Variants in RERE observed in about 807,000 individuals in gnomAD.
RERE encodes arginine-glutamic acid dipeptide repeats protein.
In RERE, 40 loss-of-function variants were observed where a neutral mutation model predicts 146.1. That is an observed-to-expected ratio of 0.27 (90% CI 0.21 to 0.36). RERE has a LOEUF of 0.36. Ranked by LOEUF, RERE falls within the 10% of genes least tolerant of loss-of-function variation. The pLI is 1.00. For missense variants in RERE, 1,933 were observed against 2,138.7 expected (o/e 0.90, Z 1.90); for synonymous variants, 1,003 against 866.0 (o/e 1.16, Z -2.78).
At chr1:8,422,095 T>A (rs1643918219) in intron 12 of RERE, among the ~76,000 whole-genome samples, 1 of 152,254 alleles carries the variant, frequency 6.6e-6, no homozygotes, top group Non-Finnish European at 1.5e-5. Flanking sequence ...CAAATCCTTC[T>A]ACCTCACGTT....
rs187291187 is a variant in RERE at position 8,554,303 on chromosome 1, G to A, written c.725+2172C>T. Among the ~76,000 whole-genome samples the A allele has an allele frequency of 3.3e-3, 498 of 152,276 alleles. 1 individual carries two copies. The highest frequency in any genetic ancestry group is 0.011 in the African/African-American group (471 of 41,560). ...ACATATCTCACATATTTGTTCAACT[G>A]AAACTCTAAATCGATTAAAATCTTT... On this transcript the variant is annotated intron_variant, in intron 6 of 22. Transcript: ENST00000400908.
At chr1:8,363,975 TC>T (rs1557589774) in intron 15 of RERE, 80 bp downstream of exon 15, 2 of 1,316,560 alleles carry the variant, frequency 1.5e-6, no homozygotes, top group Admixed American at 1.8e-5. Context: ...TTTCGCTTCC[TC>T]CCCCTGGGAG....
intron 1 of RERE, among the ~76,000 whole-genome samples, chr1:8,767,980 TAATAA>T (rs1406515145): frequency 4.0e-5 from 6 of 151,396 alleles, no homozygotes; most frequent in African/African-American, 7.3e-5. Context: ...TATAATATAA[TAATAA>T]AATAAAATAA....
At chr1:8,460,817 T>TAGGAAGCAA (rs1644517292) in intron 11 of RERE, among the ~76,000 whole-genome samples, 1 of 152,144 alleles carries the variant, frequency 6.6e-6, no homozygotes, top group East Asian at 1.9e-4. Flanking sequence ...GCTAAGTGGA[T>TAGGAAGCAA]AGGAAGCAAA....
At chr1:8,486,855 T>C (rs951298757) in intron 10 of RERE, among the ~76,000 whole-genome samples, 1 of 151,714 alleles carries the variant, frequency 6.6e-6, no homozygotes, top group African/African-American at 2.4e-5. Context: ...ACATTTGATG[T>C]AGAAAGTAAT....
At chr1:8,787,441 T>C (rs930885063) in intron 1 of RERE, among the ~76,000 whole-genome samples, 1 of 152,184 alleles carries the variant, frequency 6.6e-6, no homozygotes, top group Admixed American at 6.5e-5. Flanking sequence ...TATTTCCCTA[T>C]AAAATGAAAT....
At chr1:8,815,747 TTGTC>T (rs2124612790) in intron 1 of RERE, among the ~76,000 whole-genome samples, 1 of 152,166 alleles carries the variant, frequency 6.6e-6, no homozygotes, top group Non-Finnish European at 1.5e-5. Context: ...AGAGCTGTGT[TTGTC>T]TGTGCAAACC....
At chr1:8,381,087 C>T (rs1325736749) in intron 12 of RERE, 2 of 450,412 alleles carry the variant, frequency 4.4e-6, no homozygotes, top group East Asian at 7.0e-5. Flanking sequence ...TGCTGTCATC[C>T]ACACCACCTC....
At chr1:8,365,218 A>T (rs1641756377) in intron 13 of RERE, among the ~76,000 whole-genome samples, 1 of 152,158 alleles carries the variant, frequency 6.6e-6, no homozygotes, top group South Asian at 2.1e-4. Flanking sequence ...CCGTCCTGCT[A>T]GGTGATTTCT....
At chr1:8,753,521 G>A (rs1640579921) in intron 1 of RERE, 1 of 152,082 alleles carries the variant, frequency 6.6e-6, no homozygotes, top group African/African-American at 2.4e-5. Context: ...ATTTTAAAAT[G>A]TCAACTCATC....
chr1:8,810,154 G>A (rs990400335), intron 1 of RERE, among the ~76,000 whole-genome samples: 2 of 152,028 alleles, frequency 1.3e-5, no homozygotes, highest in Non-Finnish European at 2.9e-5. Flanking sequence ...ACAGGTACCC[G>A]CCATCGTGCC....
At chr1:8,355,257 C>A in intron 22 of RERE, 137 bp from the exon 23 acceptor site, 1 of 1,126,490 alleles carries the variant, frequency 8.9e-7, no homozygotes, top group Non-Finnish European at 1.3e-6. Context: ...GACCTACCCT[C>A]CCAACACCTC....
chr1:8,382,044 A>C (rs1642478563), intron 12 of RERE, among the ~76,000 whole-genome samples: 1 of 152,256 alleles, frequency 6.6e-6, no homozygotes, highest in Non-Finnish European at 1.5e-5. Context: ...GTTACAGTCA[A>C]AATCTTCCTC....
intron 2 of RERE, among the ~76,000 whole-genome samples, chr1:8,653,899 C>T (rs1647775345): frequency 6.6e-6 from 1 of 151,602 alleles, no homozygotes; most frequent in Admixed American, 6.6e-5. Flanking sequence ...ATCGTTACAG[C>T]AGATTTCTAA....
At chr1:8,560,914 A>G (rs926761258) in intron 4 of RERE, among the ~76,000 whole-genome samples, 2 of 152,188 alleles carry the variant, frequency 1.3e-5, no homozygotes. Context: ...TCCTAACAAC[A>G]ATCTTTTAAA....
At chr1:8,474,600 A>C (rs1286183227) in intron 10 of RERE, among the ~76,000 whole-genome samples, 2 of 152,158 alleles carry the variant, frequency 1.3e-5, no homozygotes, top group East Asian at 3.8e-4. Flanking sequence ...TCCTTTTGGC[A>C]TGGCTCAGCT....
At chr1:8,466,398 G>A (rs1644597550) in intron 10 of RERE, among the ~76,000 whole-genome samples, 2 of 151,912 alleles carry the variant, frequency 1.3e-5, no homozygotes, top group South Asian at 4.2e-4. Context: ...TTAATCTACG[G>A]TTTAGGAGCT....
intron 1 of RERE, among the ~76,000 whole-genome samples, chr1:8,687,799 C>A (rs151122152): frequency 3.0e-4 from 45 of 152,268 alleles, no homozygotes; most frequent in African/African-American, 1.1e-3. Flanking sequence ...CCACAGTAAA[C>A]AAAAGCAGGG....
At chr1:8,589,861 A>G (rs888806851) in intron 4 of RERE, among the ~76,000 whole-genome samples, 22 of 152,190 alleles carry the variant, frequency 1.4e-4, no homozygotes, top group African/African-American at 4.6e-4. Context: ...TCCGACCACG[A>G]ATCGAATTCC....
Sources: allele counts gnomAD v4.1 joint callset (sites outside exome capture counted in the v4.1 genomes callset), GRCh38; gene constraint gnomAD v4.1.1; transcripts MANE v1.5; gene names NCBI Gene and HGNC (gene_info 2026-07-23, HGNC 2026-07-21).